Variants in CLIP1 observed in about 807,000 individuals in gnomAD.
CLIP1 encodes CAP-Gly domain-containing linker protein 1.
A neutral mutation model predicts 161.6 loss-of-function variants in CLIP1; 66 were observed. That is an observed-to-expected ratio of 0.41 (90% CI 0.33 to 0.50). CLIP1 has a LOEUF of 0.50. Ranked by LOEUF, CLIP1 falls within the 20% of genes least tolerant of loss-of-function variation. The pLI is 0.27. For synonymous variants in CLIP1, 598 were observed against 626.2 expected, an observed-to-expected ratio of 0.96 and a Z score of 0.67; for missense variants, 1,376 against 1,702.0, an observed-to-expected ratio of 0.81 and a Z score of 3.37.
At chr12:122,415,387 CAGG>C (rs547088211) in intron 1 of CLIP1, among the ~76,000 whole-genome samples, 4 of 148,700 alleles carry the variant, frequency 2.7e-5, no homozygotes, top group Non-Finnish European at 5.9e-5. Flanking sequence ...GAGGCTGAGG[CAGG>C]AGAATGCCGT....
At chr12:122,317,570 C>T (rs1056055446) in intron 18 of CLIP1, among the ~76,000 whole-genome samples, 2 of 152,146 alleles carry the variant, frequency 1.3e-5, no homozygotes, top group African/African-American at 4.8e-5. Context: ...GGTTGGAGCT[C>T]TAGGTGCAGA....
intron 10 of CLIP1, chr12:122,343,330 A>T (rs1952595826): frequency 6.6e-6 from 1 of 152,026 alleles, no homozygotes; most frequent in African/African-American, 2.4e-5. Context: ...ACGGGGTTTC[A>T]CTATGTTGGT....
At chr12:122,330,134 CA>C (rs1951881703) in intron 15 of CLIP1, among the ~76,000 whole-genome samples, 1 of 151,668 alleles carries the variant, frequency 6.6e-6, no homozygotes, top group African/African-American at 2.4e-5. Context: ...AAACAAAAAA[CA>C]AAAAACACGG....
At chr12:122,285,914 C>A (rs1410159637) in intron 21 of CLIP1, among the ~76,000 whole-genome samples, 1 of 151,612 alleles carries the variant, frequency 6.6e-6, no homozygotes, top group Non-Finnish European at 1.5e-5. Context: ...ACCCCGAGGC[C>A]CACAGAGACA....
intron 2 of CLIP1, among the ~76,000 whole-genome samples, 167 bp from the exon 3 acceptor site, chr12:122,378,127 C>T (rs953610547): frequency 3.3e-5 from 5 of 152,174 alleles, no homozygotes; most frequent in African/African-American, 1.2e-4. Flanking sequence ...CGCTCTGTCG[C>T]CCAGGCTAGA....
intron 17 of CLIP1, among the ~76,000 whole-genome samples, chr12:122,327,546 T>C (rs554164294): frequency 6.6e-6 from 1 of 152,200 alleles, no homozygotes; most frequent in African/African-American, 2.4e-5. Flanking sequence ...GCTTACTTCA[T>C]GTGACCTCTG....
chr12:122,347,597 C>A, intron 9 of CLIP1, 118 bp from the exon 10 acceptor site: 1 of 730,602 alleles, frequency 1.4e-6, no homozygotes. Flanking sequence ...AAGGGTGAAC[C>A]AAAGGGGAAT....
At chr12:122,318,557 CA>C (rs1301824521) in intron 18 of CLIP1, among the ~76,000 whole-genome samples, 1 of 152,024 alleles carries the variant, frequency 6.6e-6, no homozygotes, top group South Asian at 2.1e-4. Context: ...CAAAACAAAA[CA>C]AAAAAAGCAA....
At chr12:122,289,087 A>G (rs1021395958) in intron 20 of CLIP1, among the ~76,000 whole-genome samples, 1 of 150,704 alleles carries the variant, frequency 6.6e-6, no homozygotes, top group African/African-American at 2.4e-5. Flanking sequence ...AAGTGCTGGG[A>G]TTACAGGCGT....
intron 2 of CLIP1, among the ~76,000 whole-genome samples, chr12:122,378,498 G>A (rs540975538): frequency 6.6e-6 from 1 of 152,218 alleles, no homozygotes; most frequent in Non-Finnish European, 1.5e-5. Flanking sequence ...GGTAGTTGAG[G>A]TTTATTCCTT....
At chr12:122,281,007 G>A (rs907485) in intron 21 of CLIP1, 12,665 of 152,234 alleles carry the variant, frequency 0.083, 652 homozygotes, top group African/African-American at 0.14. Context: ...GGTTAGAAAC[G>A]GCAGAATGTA....
chr12:122,301,190 G>A (rs184947188), intron 20 of CLIP1, among the ~76,000 whole-genome samples: 3 of 152,266 alleles, frequency 2.0e-5, no homozygotes, highest in African/African-American at 4.8e-5. Context: ...TGTAAAGGAC[G>A]TTACTGGGAC....
At position 122,330,597 on chromosome 12, in the gene CLIP1, G is replaced by GTTTTTTTTTT. The variant is rs71082966; in HGVS notation, c.2868-2181_2868-2172dup. On this transcript the variant is annotated intron_variant, in intron 15 of 25. Coordinates refer to ENST00000620786, the MANE Select transcript of CLIP1 (RefSeq NM_001247997.2). ...TTCAGCACTGAAGAAGTATAATGCA[G>GTTTTTTTTTT]TTTTTTTTTTTTTTTTTTTTGAGAT... 4.9e-4 allele frequency among the ~76,000 whole-genome samples: 50 copies of GTTTTTTTTTT among 101,378 alleles called. 7 individuals carry two copies. Among genetic ancestry groups the GTTTTTTTTTT allele is most frequent in the African/African-American group, 2.1e-3 (48 of 22,776 alleles). 66.5% of individuals were successfully genotyped at this position (101,378 alleles called of 152,430 possible). A position where few individuals can be genotyped will look rare whatever the true frequency, so the allele number is the denominator to read the frequency against.
chr12:122,420,023 C>T (rs931988532), intron 1 of CLIP1, among the ~76,000 whole-genome samples: 5 of 150,556 alleles, frequency 3.3e-5, no homozygotes, highest in Admixed American at 6.7e-5. Flanking sequence ...ATTTTAGCCA[C>T]TAGGTAAAAA....
At chr12:122,330,098 C>T (rs1951880030) in intron 15 of CLIP1, among the ~76,000 whole-genome samples, 1 of 151,874 alleles carries the variant, frequency 6.6e-6, no homozygotes, top group Non-Finnish European at 1.5e-5. Context: ...GCCTGGGCAA[C>T]AAGAGCAAAG....
chr12:122,403,161 G>A (rs1298151498), intron 1 of CLIP1, among the ~76,000 whole-genome samples: 4 of 152,190 alleles, frequency 2.6e-5, no homozygotes, highest in Non-Finnish European at 4.4e-5. Context: ...GCAGAGAAAT[G>A]TAAAACTCCT....
At chr12:122,366,615 C>A (rs1293395633) in intron 3 of CLIP1, among the ~76,000 whole-genome samples, 3 of 152,134 alleles carry the variant, frequency 2.0e-5, no homozygotes, top group African/African-American at 4.8e-5. Flanking sequence ...CCAAGGCAGG[C>A]GGATCACTTG....
At chr12:122,418,755 CCT>C (rs1956838322) in intron 1 of CLIP1, among the ~76,000 whole-genome samples, 1 of 151,740 alleles carries the variant, frequency 6.6e-6, no homozygotes, top group East Asian at 1.9e-4. Flanking sequence ...AGAGCGAGAC[CCT>C]GTGTCTAAAA....
At chr12:122,315,901 A>G (rs1005483801) in intron 19 of CLIP1, among the ~76,000 whole-genome samples, 17 of 151,406 alleles carry the variant, frequency 1.1e-4, no homozygotes, top group Non-Finnish European at 1.6e-4. Flanking sequence ...TCAGCCTCCC[A>G]AAGTGCTGGG....
Sources: gnomAD v4.1 joint callset for allele counts (sites outside exome capture counted in the v4.1 genomes callset) on GRCh38, gnomAD v4.1.1 for gene constraint, MANE v1.5 for transcripts, NCBI Gene and HGNC (gene_info 2026-07-23, HGNC 2026-07-21) for gene names.